The following FAT1 variants were observed in gnomAD, a reference collection of about 807,000 sequenced individuals.
The protein encoded by FAT1 is protocadherin Fat 1.
FAT1 carries 171 observed loss-of-function variants against 329.8 expected under a neutral mutation model. That is an observed-to-expected ratio of 0.52 (90% CI 0.46 to 0.59). The LOEUF is 0.59. Ranked by LOEUF, FAT1 falls within the 20% of genes least tolerant of loss-of-function variation. The pLI, the probability that FAT1 is intolerant of heterozygous loss-of-function variation, is 0.00. For synonymous variants in FAT1, 2,233 were observed against 2,228.6 expected (o/e 1.00, Z -0.06); for missense variants, 5,672 against 5,774.4 (o/e 0.98, Z 0.57).
intron 2 of FAT1, among the ~76,000 whole-genome samples, chr4:186,687,466 G>A (rs374855517): frequency 1.4e-4 from 21 of 151,998 alleles, no homozygotes; most frequent in African/African-American, 4.6e-4. Flanking sequence ...TGTTATTTAC[G>A]CTAAGGCAAC....
chr4:186,601,431 G>C lies in FAT1; in HGVS notation c.11483-5C>G. 1 of 1,601,906 alleles carries C rather than the reference G, an allele frequency of 6.2e-7. No homozygotes were observed. On this transcript the variant is annotated splice_polypyrimidine_tract_variant and splice_region_variant and intron_variant, in intron 20 of 26. Transcript: ENST00000441802. The stretch of plus-strand genomic sequence containing the variant: ...TCAGTGTCATAGATGAACTCCCTGT[G>C]AATCACACAGAGGAAAAAATAAACC...
At position 186,598,009 on chromosome 4, in the gene FAT1, A is replaced by G; in HGVS notation, c.12220T>C (p.Phe4074Leu). Residue 4074 changes from phenylalanine to leucine, a missense_variant, in exon 23 of 27, where the codon TTT (phenylalanine) becomes CTT (leucine). Coordinates refer to ENST00000441802, the MANE Select transcript of FAT1 (RefSeq NM_005245.4). ...GGTCVVDNGG[F>L]VCQCRGLYTG... ...TATAATCCTCTACACTGGCAAACAA[A>G]GCCTCCGTTGTCGACAACACACGTG... 1 of 1,613,248 alleles carries G rather than the reference A, an allele frequency of 6.2e-7. No homozygotes were observed. The highest frequency in any genetic ancestry group is 8.5e-7 in the Non-Finnish European group (1 of 1,179,730).
intron 6 of FAT1, among the ~76,000 whole-genome samples, chr4:186,635,391 A>G (rs1343171111): frequency 6.6e-6 from 1 of 152,246 alleles, no homozygotes; most frequent in Non-Finnish European, 1.5e-5. Context: ...TGTCTTATCT[A>G]AACTACATGA....
chr4:186,691,783 G>GA (rs1743773996), intron 2 of FAT1, among the ~76,000 whole-genome samples: 1 of 152,058 alleles, frequency 6.6e-6, no homozygotes, highest in South Asian at 2.1e-4. Context: ...ACTCCAGTCT[G>GA]AGAAAGTGAG....
chr4:186,589,622 T>C (rs1738143235), intron 26 of FAT1, among the ~76,000 whole-genome samples: 1 of 152,146 alleles, frequency 6.6e-6, no homozygotes, highest in Admixed American at 6.5e-5. Context: ...AGGACATTAG[T>C]GAAATATCCA....
chr4:186,718,931 G>C (rs1456208747), intron 1 of FAT1, among the ~76,000 whole-genome samples: 1 of 151,916 alleles, frequency 6.6e-6, no homozygotes, highest in African/African-American at 2.4e-5. Context: ...CATCCTCCTT[G>C]ATTTCATGAC....
intron 2 of FAT1, among the ~76,000 whole-genome samples, chr4:186,665,453 G>A (rs892362357): frequency 4.6e-5 from 7 of 152,146 alleles, no homozygotes; most frequent in Non-Finnish European, 1.5e-5. Context: ...CAGTGATGAT[G>A]AGCATTTTTT....
intron 1 of FAT1, among the ~76,000 whole-genome samples, chr4:186,720,794 C>T (rs1302241310): frequency 6.6e-6 from 1 of 152,152 alleles, no homozygotes; most frequent in African/African-American, 2.4e-5. Context: ...GGTAAATGGA[C>T]AGATGAATAA....
At chr4:186,663,696 A>G in intron 2 of FAT1, 83 bp from the exon 3 acceptor site, 1 of 1,086,796 alleles carries the variant, frequency 9.2e-7, no homozygotes, top group South Asian at 1.6e-5. Context: ...ACTACGGCTT[A>G]CTGAGAGCTT....
chr4:186,628,130 T>C lies in FAT1; in HGVS notation c.4810+24A>G, dbSNP rs961102096. 3.7e-6 allele frequency: 6 copies of C among 1,606,828 alleles called. 1 individual carries two copies. Among genetic ancestry groups the C allele is most frequent in the Non-Finnish European group, 5.1e-6 (6 of 1,175,806 alleles). On this transcript the variant is annotated intron_variant, in intron 9 of 26. Transcript: ENST00000441802. ...ACTTTTAACAACTGCAAATTTAAAA[T>C]GCCACTGAAGGCTCCAAAAGTACCT...
At chr4:186,669,105 G>GCGGT (rs1236323368) in intron 2 of FAT1, among the ~76,000 whole-genome samples, 4 of 152,114 alleles carry the variant, frequency 2.6e-5, no homozygotes, top group African/African-American at 4.8e-5. Flanking sequence ...ACTCTTCTCT[G>GCGGT]CGGTCTCCCT....
chr4:186,621,040 A>G lies in FAT1; in HGVS notation c.5546T>C (p.Val1849Ala), dbSNP rs2126521572. The G allele has an allele frequency of 6.2e-7, 1 of 1,612,862 alleles. No homozygotes were observed. The highest frequency in any genetic ancestry group is 2.2e-5 in the East Asian group (1 of 44,890). ...TAAACGTGGGGTTCCCATGTCATGC[A>G]CTTGGACGGTAAAGTGAAAAATACT... Reference protein sequence around the residue: ...ETSIFHFTVQVHDMGTPRLFA... With the variant: ...ETSIFHFTVQAHDMGTPRLFA... The change falls in exon 10 of 27, where the codon GTG (valine) becomes GCG (alanine). Residue 1849 changes from valine to alanine, a missense_variant. Val to Ala is a moderately conservative substitution (Grantham distance 64). Coordinates refer to ENST00000441802, the MANE Select transcript of FAT1 (RefSeq NM_005245.4).
chr4:186,700,910 A>G (rs455219), intron 2 of FAT1, among the ~76,000 whole-genome samples: 50,590 of 151,966 alleles, frequency 0.33, 10,334 homozygotes, highest in African/African-American at 0.58. Context: ...GCATGAGGAC[A>G]AAGCCGGCCT....
chr4:186,609,950 C>T lies in FAT1; in HGVS notation c.9919G>A (p.Ala3307Thr). 6.2e-7 allele frequency: 1 copy of T among 1,613,428 alleles called. No homozygotes were observed. Among genetic ancestry groups the T allele is most frequent in the South Asian group, 1.1e-5 (1 of 91,066 alleles). ...AGTGAAGGCGTGCCTCCATCAGTGG[C>T]CTCTACTGTTAGGTAATACTCATGA... ...SSHEYYLTVE[A>T]TDGGTPSLSD... The change falls in exon 15 of 27, where the codon GCC becomes ACC. Residue 3307 changes from alanine (A) to threonine (T), a missense_variant. Ala to Thr is a moderately conservative substitution (Grantham distance 58, BLOSUM62 0). Coordinates refer to ENST00000441802, the MANE Select transcript of FAT1 (RefSeq NM_005245.4).
chr4:186,722,182 A>T (rs1235626814), intron 1 of FAT1, among the ~76,000 whole-genome samples: 1 of 152,204 alleles, frequency 6.6e-6, no homozygotes, highest in African/African-American at 2.4e-5. Flanking sequence ...CGGACCATGG[A>T]TTTAAATGAT....
intron 9 of FAT1, among the ~76,000 whole-genome samples, chr4:186,624,051 A>C (rs1383145478): frequency 6.6e-6 from 1 of 152,172 alleles, no homozygotes; most frequent in Non-Finnish European, 1.5e-5. Context: ...AGAAACAATG[A>C]GGGCTGCTGA....
At chr4:186,614,149 G>C in intron 12 of FAT1, 42 bp downstream of exon 12, 1 of 1,538,264 alleles carries the variant, frequency 6.5e-7, no homozygotes, top group Non-Finnish European at 8.8e-7. Flanking sequence ...ATATGATACT[G>C]TTGGAATATA....
intron 2 of FAT1, among the ~76,000 whole-genome samples, chr4:186,665,747 T>C (rs1473476750): frequency 6.6e-6 from 1 of 152,078 alleles, no homozygotes; most frequent in African/African-American, 2.4e-5. Flanking sequence ...TTTGGTTTAT[T>C]GCGGCACTAT....
intron 3 of FAT1, among the ~76,000 whole-genome samples, chr4:186,660,479 C>T (rs1445524184): frequency 6.6e-6 from 1 of 152,212 alleles, no homozygotes; most frequent in Non-Finnish European, 1.5e-5. Flanking sequence ...TTTTAACATA[C>T]TTCACAACAA....
Sources: allele counts gnomAD v4.1 joint callset (sites outside exome capture counted in the v4.1 genomes callset), GRCh38; gene constraint gnomAD v4.1.1; transcripts MANE v1.5; gene names NCBI Gene and HGNC (gene_info 2026-07-23, HGNC 2026-07-21).